The following EXOC4 variants were observed in gnomAD, a reference collection of about 807,000 sequenced individuals.
EXOC4 encodes the protein SEC8-like 1.
EXOC4 carries 71 observed loss-of-function variants against 107.2 expected under a neutral mutation model. The observed-to-expected ratio is 0.66, with a 90% CI of 0.55 to 0.81. The LOEUF is 0.81. Among genes scored for constraint, EXOC4 ranks in the 30% least tolerant of loss-of-function variants. EXOC4 has a pLI of 0.00. For synonymous variants in EXOC4, 456 were observed against 441.2 expected, an observed-to-expected ratio of 1.03 and a Z score of -0.42; for missense variants, 1,108 against 1,189.6, an observed-to-expected ratio of 0.93 and a Z score of 1.01.
At chr7:133,346,549 A>C (rs964587655) in intron 5 of EXOC4, among the ~76,000 whole-genome samples, 1 of 152,110 alleles carries the variant, frequency 6.6e-6, no homozygotes, top group Non-Finnish European at 1.5e-5. Flanking sequence ...ATTATTTTTA[A>C]ATGGTAACTT....
At chr7:133,677,726 G>A (rs543126229) in intron 10 of EXOC4, among the ~76,000 whole-genome samples, 3 of 152,194 alleles carry the variant, frequency 2.0e-5, no homozygotes, top group Admixed American at 6.5e-5. Context: ...CTACCCCAAG[G>A]CCACCCAAAC....
At chr7:133,723,226 A>G (rs1211750128) in intron 10 of EXOC4, among the ~76,000 whole-genome samples, 2 of 152,236 alleles carry the variant, frequency 1.3e-5, no homozygotes, top group African/African-American at 4.8e-5. Context: ...AGAAGAGGTC[A>G]GGCAGTTTAT....
intron 1 of EXOC4, among the ~76,000 whole-genome samples, chr7:133,254,398 C>G (rs76673136): frequency 0.031 from 4,741 of 152,256 alleles, 264 homozygotes; most frequent in African/African-American, 0.11. Flanking sequence ...CACATTCTCG[C>G]TGTGACAATA....
At chr7:133,815,396 A>G (rs1402439380) in intron 10 of EXOC4, among the ~76,000 whole-genome samples, 1 of 151,718 alleles carries the variant, frequency 6.6e-6, no homozygotes, top group Non-Finnish European at 1.5e-5. Context: ...AAAAGACAAA[A>G]ACAAAAAACT....
At chr7:133,807,602 A>G (rs898504439) in intron 10 of EXOC4, among the ~76,000 whole-genome samples, 1 of 152,162 alleles carries the variant, frequency 6.6e-6, no homozygotes, top group Non-Finnish European at 1.5e-5. Flanking sequence ...AAAAAAAAAT[A>G]AAGAAAGAAA....
chr7:133,996,881 G>T (rs889600031), intron 14 of EXOC4, among the ~76,000 whole-genome samples: 1 of 152,138 alleles, frequency 6.6e-6, no homozygotes, highest in South Asian at 2.1e-4. Context: ...TGGACATTCC[G>T]CATAGAAAAG....
In EXOC4 at chr7:133,374,906, C is replaced by G; in HGVS notation, c.1086C>G (p.Tyr362Ter). 6.2e-7 allele frequency: 1 copy of G among 1,613,704 alleles called. No individual in the cohort carries two copies. The highest frequency in any genetic ancestry group is 8.5e-7 in the Non-Finnish European group (1 of 1,179,664). The change falls in exon 7 of 18, where the codon TAC becomes TAG. Residue 362 changes from tyrosine to a stop codon, truncating the protein, a stop_gained. Coordinates refer to ENST00000253861, the MANE Select transcript of EXOC4 (RefSeq NM_021807.4). LOFTEE classifies it high-confidence loss of function. ...VAAAHSVVLGYLQDTVVTPLT... is the reference protein window; with the variant it reads ...VAAAHSVVLG ...CTGCACACTCTGTGGTCCTGGGATACCTGCAGGACACTGTAGTGACTCCAC... is the reference window on the plus strand; with the variant it reads ...CTGCACACTCTGTGGTCCTGGGATAGCTGCAGGACACTGTAGTGACTCCAC...
intron 10 of EXOC4, among the ~76,000 whole-genome samples, chr7:133,778,724 A>G (rs1796398696): frequency 6.6e-6 from 1 of 152,248 alleles, no homozygotes; most frequent in Non-Finnish European, 1.5e-5. Context: ...TCATTCTATC[A>G]TACAGAAGAA....
At chr7:133,374,035 A>G (rs1483349725) in intron 6 of EXOC4, among the ~76,000 whole-genome samples, 2 of 152,202 alleles carry the variant, frequency 1.3e-5, no homozygotes, top group African/African-American at 2.4e-5. Context: ...CATTGAAACT[A>G]TAAGTCTCAG....
intron 14 of EXOC4, among the ~76,000 whole-genome samples, chr7:133,991,917 G>A (rs1299846603): frequency 6.6e-6 from 1 of 152,112 alleles, no homozygotes; most frequent in Non-Finnish European, 1.5e-5. Context: ...TTTTTGCTCA[G>A]GATTGCTTTA....
intron 9 of EXOC4, among the ~76,000 whole-genome samples, chr7:133,552,061 A>G (rs1440208948): frequency 6.6e-6 from 1 of 152,208 alleles, no homozygotes; most frequent in Non-Finnish European, 1.5e-5. Flanking sequence ...ATGGTTCAGG[A>G]ATAATGATAT....
At chr7:133,519,752 C>A (rs1799946759) in intron 9 of EXOC4, among the ~76,000 whole-genome samples, 1 of 152,138 alleles carries the variant, frequency 6.6e-6, no homozygotes, top group Admixed American at 6.5e-5. Context: ...GTCAAGTTGT[C>A]CAGCCAGTAC....
At chr7:133,639,323 T>C (rs1802789986) in intron 10 of EXOC4, among the ~76,000 whole-genome samples, 1 of 152,202 alleles carries the variant, frequency 6.6e-6, no homozygotes, top group Admixed American at 6.5e-5. Flanking sequence ...TCTTTGTTAC[T>C]GGGTCTGCTA....
chr7:133,739,654 A>T (rs537267937), intron 10 of EXOC4, among the ~76,000 whole-genome samples: 1 of 152,316 alleles, frequency 6.6e-6, no homozygotes, highest in East Asian at 1.9e-4. Context: ...CAGACTGGCT[A>T]CTGCTTTACT....
chr7:133,962,867 G>T (rs2116843078), intron 14 of EXOC4, among the ~76,000 whole-genome samples: 1 of 152,304 alleles, frequency 6.6e-6, no homozygotes, highest in East Asian at 1.9e-4. Flanking sequence ...AATGCAAAGG[G>T]CTACGTTAAT....
At chr7:133,956,998 A>G (rs186157260) in intron 14 of EXOC4, among the ~76,000 whole-genome samples, 129 of 152,058 alleles carry the variant, frequency 8.5e-4, no homozygotes, top group African/African-American at 2.8e-3. Context: ...TTTTTTGTCA[A>G]TGTGAGAACT....
chr7:133,729,558 T>A (rs1795283518), intron 10 of EXOC4, among the ~76,000 whole-genome samples: 1 of 152,108 alleles, frequency 6.6e-6, no homozygotes, highest in South Asian at 2.1e-4. Context: ...TAGGGAGCAA[T>A]GAAAAGGCCT....
intron 11 of EXOC4, among the ~76,000 whole-genome samples, chr7:133,862,597 A>T (rs964691146): frequency 6.6e-6 from 1 of 152,184 alleles, no homozygotes; most frequent in Non-Finnish European, 1.5e-5. Flanking sequence ...AACAGAAAGG[A>T]TGGCCTTTAG....
chr7:133,626,233 G>A (rs28687548), intron 9 of EXOC4, among the ~76,000 whole-genome samples: 3,205 of 152,026 alleles, frequency 0.021, 121 homozygotes, highest in African/African-American at 0.073. Context: ...CTGACAGTAG[G>A]TCCCAGGTTA....
Sources: allele counts gnomAD v4.1 joint callset (sites outside exome capture counted in the v4.1 genomes callset), GRCh38; gene constraint gnomAD v4.1.1; transcripts MANE v1.5; gene names NCBI Gene and HGNC (gene_info 2026-07-23, HGNC 2026-07-21).